The following DRP2 variants were observed in gnomAD, a reference collection of about 807,000 sequenced individuals.
DRP2 encodes the protein dystrophin-related protein 2.
A neutral mutation model predicts 78.2 loss-of-function variants in DRP2; 29 were observed. That is an observed-to-expected ratio of 0.37 (90% CI 0.28 to 0.51). The LOEUF is 0.51. Among genes scored for constraint, DRP2 ranks in the 20% least tolerant of loss-of-function variants. The pLI, the probability that DRP2 is intolerant of heterozygous loss-of-function variation, is 0.94. For missense variants in DRP2, 686 were observed against 770.6 expected (o/e 0.89, Z 1.30); for synonymous variants, 290 against 281.9 (o/e 1.03, Z -0.29).
chrX:101,233,330 T>A (rs1293483290), intron 3 of DRP2, among the ~76,000 whole-genome samples: 1 of 111,381 alleles, frequency 9.0e-6, no homozygotes, highest in Non-Finnish European at 1.9e-5. Flanking sequence ...ACATTCCCAG[T>A]GCAGAGGACC....
chrX:101,231,346 T>G (rs1484080852), intron 2 of DRP2, among the ~76,000 whole-genome samples: 2 of 112,157 alleles, frequency 1.8e-5, no homozygotes, highest in Non-Finnish European at 3.8e-5. Context: ...ACCTCCACCC[T>G]TAGGCTTTGA....
Position 101,234,383 on chromosome X carries a change from C to T in DRP2, c.118-1477C>T, listed in dbSNP as rs982468899. On this transcript the variant is annotated intron_variant, in intron 3 of 23. Transcript: ENST00000395209. ...TCCTTGCCAGCCTGAGAGGGCCATC[C>T]TGGCCCTGGTGTGGCAGGCCCAGTT... is the stretch of plus-strand genomic sequence containing the variant. 1.4e-4 allele frequency among the ~76,000 whole-genome samples: 16 copies of T among 113,363 alleles called. 1 individual carries two copies. Among genetic ancestry groups the T allele is most frequent in the Non-Finnish European group, 3.7e-5 (2 of 53,375 alleles).
Position 101,258,468 on chromosome X carries a change from G to A in DRP2, c.2550G>A (p.Glu850=). The A allele has an allele frequency of 2.5e-6, 3 of 1,199,666 alleles. No homozygotes were observed. Among genetic ancestry groups the A allele is most frequent in the Non-Finnish European group, 3.4e-6 (3 of 889,044 alleles). ...TTCGGCAACATAAGAGCCGCCTGGA[G>A]ACGCGCATGCAGATCCTCGAAGATC... is the stretch of plus-strand genomic sequence containing the variant. ...RILRQHKSRL[E]TRMQILEDHN... is the part of the protein sequence containing the mutation. Residue 850 remains glutamate (E), a synonymous_variant, in exon 22 of 24, where the codon GAG becomes GAA. Coordinates refer to ENST00000395209, the MANE Select transcript of DRP2 (RefSeq NM_001939.3).
intron 2 of DRP2, among the ~76,000 whole-genome samples, chrX:101,226,539 T>C (rs1354551987): frequency 8.9e-6 from 1 of 111,733 alleles, no homozygotes; most frequent in Non-Finnish European, 1.9e-5. Flanking sequence ...TTTTTATCTC[T>C]GCTCAAGAGA....
At chrX:101,242,557 G>C (rs761769241) in intron 8 of DRP2, 86 bp downstream of exon 8, 6 of 1,075,246 alleles carry the variant, frequency 5.6e-6, no homozygotes, top group Non-Finnish European at 7.5e-6. Flanking sequence ...TATGGAAATA[G>C]GATCTGCATG....
chrX:101,245,054 C>A lies in DRP2; in HGVS notation c.1092C>A (p.Pro364=). Residue 364 remains proline (P), a synonymous_variant, in exon 10 of 24, where the codon CCC becomes CCA. Transcript: ENST00000395209. ...TTCCCTGGGAAAGAGCAATTTCACC[C>A]AATAAAGTTCCCTACTACATCAAGT... ...VQVPWERAIS[P]NKVPYYINHQ... is the part of the protein sequence containing the mutation. The A allele has an allele frequency of 1.7e-6, 2 of 1,210,218 alleles. No homozygotes were observed. The highest frequency in any genetic ancestry group is 1.8e-5 in the South Asian group (1 of 56,704).
At chrX:101,248,631 T>A (rs368313077) in intron 14 of DRP2, 32 bp downstream of exon 14, 3 of 1,150,806 alleles carry the variant, frequency 2.6e-6, no homozygotes, top group Non-Finnish European at 3.6e-6. Flanking sequence ...GGAGTGGTGT[T>A]GGGTAGAGGG....
At position 101,252,650 on chromosome X, in the gene DRP2, C is replaced by T; in HGVS notation, c.1911C>T (p.Cys637=). The change falls in exon 17 of 24, where the codon TGC becomes TGT. Residue 637 remains cysteine (C), a synonymous_variant. Coordinates refer to ENST00000395209, the MANE Select transcript of DRP2 (RefSeq NM_001939.3). The part of the protein sequence containing the change: ...KQFNVDICQT[C]FLTGRASKGN... Reference sequence around the variant, plus strand: ...TCAACGTTGACATCTGCCAGACCTGCTTCTTGACAGGCAGGGCCAGCAAAG... The same window carrying T: ...TCAACGTTGACATCTGCCAGACCTGTTTCTTGACAGGCAGGGCCAGCAAAG... The T allele has an allele frequency of 8.2e-7, 1 of 1,212,167 alleles. No individual in the cohort carries two copies. The highest frequency in any genetic ancestry group is 1.1e-6 in the Non-Finnish European group (1 of 895,602).
chrX:101,251,154 AAAT>A, intron 16 of DRP2, 71 bp downstream of exon 16: 2 of 991,135 alleles, frequency 2.0e-6, no homozygotes, highest in Non-Finnish European at 2.7e-6. Context: ...AGATATTAAA[AAAT>A]AAAGTGTCAC....
At position 101,250,939 on chromosome X, in the gene DRP2, A is replaced by T. The variant is rs1233724003; in HGVS notation, c.1721A>T (p.Glu574Val). 8.3e-7 allele frequency: 1 copy of T among 1,211,283 alleles called. No individual in the cohort carries two copies. Among genetic ancestry groups the T allele is most frequent in the Non-Finnish European group, 1.1e-6 (1 of 895,352 alleles). Residue 574 changes from glutamate (E) to valine (V), a missense_variant, in exon 16 of 24, where the codon GAA becomes GTA. Glu to Val is a moderately radical substitution (Grantham distance 121, BLOSUM62 -2). Around this residue, in one of 2 missense-constraint regions of DRP2, gnomAD observed 423 missense variants for 531.5 expected, o/e 0.80. Transcript: ENST00000395209. ...TAGAGCACCGGGAAGCCAGTCATTG[A>T]AGCATCCCAGTTCCTGGAGTGGGTC... ...FRFSTGKPVI[E>V]ASQFLEWVNL...
rs138897604 is a variant in DRP2 at position 101,226,802 on chromosome X, C to T, written c.-64+2096C>T. 7.2e-3 allele frequency among the ~76,000 whole-genome samples: 803 copies of T among 111,972 alleles called. 8 individuals carry two copies. The highest frequency in any genetic ancestry group is 0.024 in the African/African-American group (739 of 30,837). On this transcript the variant is annotated intron_variant, in intron 2 of 23. Coordinates refer to ENST00000395209, the MANE Select transcript of DRP2 (RefSeq NM_001939.3). ...TCCCTCCAACTAGAAGTGAACACTT[C>T]CTCCTCTGTGACCTCTTATACCATA...
chrX:101,243,637 T>C (rs1329645905), intron 9 of DRP2, among the ~76,000 whole-genome samples: 3 of 112,049 alleles, frequency 2.7e-5, no homozygotes, highest in East Asian at 5.5e-4. Flanking sequence ...CAGATACTGC[T>C]CTAGGCACTG....
In DRP2 at chrX:101,243,457, G is replaced by A. The variant is rs1236965430; in HGVS notation, c.1054+475G>A. 4.8e-5 allele frequency among the ~76,000 whole-genome samples: 5 copies of A among 104,978 alleles called. No homozygotes were observed. The East Asian group carries it at 1.5e-3, about 31-fold the overall frequency. The allele number at this position is 104,978 out of a possible 115,157, so 91.2% of individuals were successfully genotyped here. A position where few individuals can be genotyped will look rare whatever the true frequency, so the allele number is the denominator to read the frequency against. ...CGGAGAGATCTGGGTCTGAGGCACA[G>A]CACCTCAACCTAATAACTGTGCAGG... On this transcript the variant is annotated intron_variant, in intron 9 of 23. Transcript: ENST00000395209.
chrX:101,234,413 G>C (rs1201877905), intron 3 of DRP2, among the ~76,000 whole-genome samples: 1 of 113,247 alleles, frequency 8.8e-6, no homozygotes, highest in Non-Finnish European at 1.9e-5. Flanking sequence ...CCAGTTGGGA[G>C]TGAACCGGAA....
chrX:101,252,297 A>C (rs1923166415), intron 16 of DRP2, among the ~76,000 whole-genome samples: 1 of 111,513 alleles, frequency 9.0e-6, no homozygotes, highest in Non-Finnish European at 1.9e-5. Flanking sequence ...AGGCCATTTG[A>C]TATGATGAGA....
rs774365692 is a variant in DRP2, at chrX:101,239,117, T to C, written c.559+16T>C. ...GAGAGCAAAGGTAGGTGGTCTTCTG[T>C]TTTTCCCACTTCTTCTTGAGCCATG... On this transcript the variant is annotated intron_variant, in intron 6 of 23. Coordinates refer to ENST00000395209, the MANE Select transcript of DRP2 (RefSeq NM_001939.3). 3.7e-5 allele frequency: 45 copies of C among 1,201,506 alleles called. No individual in the cohort carries two copies. Among genetic ancestry groups the C allele is most frequent in the Non-Finnish European group, 4.9e-5 (44 of 891,736 alleles).
intron 3 of DRP2, among the ~76,000 whole-genome samples, chrX:101,233,649 G>A (rs750854917): frequency 8.9e-6 from 1 of 112,023 alleles, no homozygotes; most frequent in South Asian, 3.8e-4. Context: ...CCCCAGACAA[G>A]TCTGCTGGAA....
chrX:101,230,724 C>T (rs897768904), intron 2 of DRP2, among the ~76,000 whole-genome samples: 3 of 109,958 alleles, frequency 2.7e-5, no homozygotes, highest in African/African-American at 3.3e-5. Flanking sequence ...TCTGGTCACA[C>T]GGAACACACC....
rs1371983161 is a variant in DRP2 at position 101,220,059 on chromosome X, ACTT to A, written c.-250_-248del. On this transcript the variant is annotated 5_prime_UTR_variant, in exon 1 of 24. Coordinates refer to ENST00000395209, the MANE Select transcript of DRP2 (RefSeq NM_001939.3). Reference sequence around the variant, plus strand: ...AGCTGTCGGCATCCCTGTCTCAGGGACTTCTTTGCTGATTCACAGAGGCAGCCC... The same window carrying A: ...AGCTGTCGGCATCCCTGTCTCAGGGACTTTGCTGATTCACAGAGGCAGCCC... 9.0e-6 allele frequency: 1 copy of A among 111,180 alleles called. No individual in the cohort carries two copies. The highest frequency in any genetic ancestry group is 3.3e-5 in the African/African-American group (1 of 30,536). 9.2% of individuals were successfully genotyped at this position (111,180 alleles called of 1,213,427 possible). A position where few individuals can be genotyped will look rare whatever the true frequency, so the allele number is the denominator to read the frequency against.
Sources: gnomAD v4.1 joint callset for allele counts (sites outside exome capture counted in the v4.1 genomes callset) on GRCh38, gnomAD v4.1.1 for gene constraint, gnomAD v4.1.1 regional missense constraint, MANE v1.5 for transcripts, NCBI Gene and HGNC (gene_info 2026-07-23, HGNC 2026-07-21) for gene names.